The following MAN1A2 variants were observed in gnomAD, a reference collection of about 807,000 sequenced individuals.
MAN1A2 encodes the protein mannosidase alpha class 1A member 2.
A neutral mutation model predicts 75.7 loss-of-function variants in MAN1A2; 26 were observed. The ratio of observed to expected loss-of-function variants is 0.34; its 90% CI spans 0.25 to 0.48. The LOEUF is 0.48. MAN1A2 is among the 20% of genes least tolerant of loss of function. The probability of loss-of-function intolerance (pLI) is 0.99; values close to 1 mark genes in which losing one functional copy is unlikely to be tolerated. For synonymous variants in MAN1A2, 247 were observed against 264.6 expected, an observed-to-expected ratio of 0.93 and a Z score of 0.65; for missense variants, 562 against 775.5, an observed-to-expected ratio of 0.72 and a Z score of 3.27.
intron 10 of MAN1A2, 102 bp from the exon 11 acceptor site, chr1:117,499,280 C>T: frequency 3.6e-6 from 3 of 832,676 alleles, no homozygotes; most frequent in South Asian, 6.4e-5. Flanking sequence ...AAATAAACAA[C>T]AAAAATTACT....
At chr1:117,456,570 A>C (rs1649587972) in intron 6 of MAN1A2, among the ~76,000 whole-genome samples, 1 of 152,028 alleles carries the variant, frequency 6.6e-6, no homozygotes, top group Non-Finnish European at 1.5e-5. Flanking sequence ...TGGCACTTTC[A>C]ATTGACTCTT....
rs549316465 is a variant in MAN1A2 at position 117,401,862 on chromosome 1, T to C, written c.303-324T>C. Among the ~76,000 whole-genome samples, 21 of 152,304 alleles carry C rather than the reference T, an allele frequency of 1.4e-4. No homozygotes were observed. In the South Asian group the frequency reaches 3.7e-3, roughly 27 times the overall value. On this transcript the variant is annotated intron_variant, in intron 1 of 12. Coordinates refer to ENST00000356554, the MANE Select transcript of MAN1A2 (RefSeq NM_006699.5). ...ATTTTTGTCTCTTCTCTGTTACTTATTCTATTTTTGTTTTCTCTCCTCCAT... is the reference window on the plus strand; with the variant it reads ...ATTTTTGTCTCTTCTCTGTTACTTACTCTATTTTTGTTTTCTCTCCTCCAT...
chr1:117,442,059 G>A (rs1649050425), intron 5 of MAN1A2, among the ~76,000 whole-genome samples, 172 bp from the exon 6 acceptor site: 1 of 152,062 alleles, frequency 6.6e-6, no homozygotes, highest in African/African-American at 2.4e-5. Context: ...TATCCAGTTT[G>A]CAAACATGCT....
intron 8 of MAN1A2, among the ~76,000 whole-genome samples, chr1:117,490,364 G>A (rs1234929779): frequency 6.6e-6 from 1 of 151,914 alleles, no homozygotes; most frequent in Non-Finnish European, 1.5e-5. Flanking sequence ...ATGTTATAGT[G>A]ATCCGTAATC....
chr1:117,427,872 T>TTAG (rs745984865), intron 5 of MAN1A2, among the ~76,000 whole-genome samples: 28 of 152,184 alleles, frequency 1.8e-4, no homozygotes, highest in Non-Finnish European at 3.8e-4. Context: ...TTATATTGGG[T>TTAG]TATAACATAC....
At chr1:117,499,004 A>G (rs1236291083) in intron 10 of MAN1A2, among the ~76,000 whole-genome samples, 2 of 151,952 alleles carry the variant, frequency 1.3e-5, no homozygotes, top group Non-Finnish European at 2.9e-5. Flanking sequence ...CTTTAAAAAA[A>G]ACATCCACAC....
chr1:117,378,996 G>A lies in MAN1A2; in HGVS notation c.302+10511G>A, dbSNP rs572916842. On this transcript the variant is annotated intron_variant, in intron 1 of 12. Coordinates refer to ENST00000356554, the MANE Select transcript of MAN1A2 (RefSeq NM_006699.5). Reference sequence around the variant, plus strand: ...CTTATTTTTTAATTTTGATTATGATGTTTTTAGTTTTACACAAGTTTGAAA... The same window carrying A: ...CTTATTTTTTAATTTTGATTATGATATTTTTAGTTTTACACAAGTTTGAAA... 3.3e-5 allele frequency among the ~76,000 whole-genome samples: 5 copies of A among 151,990 alleles called. No homozygotes were observed. In the East Asian group the frequency reaches 9.7e-4, roughly 29 times the overall value.
At chr1:117,405,297 G>T (rs568503609) in intron 2 of MAN1A2, among the ~76,000 whole-genome samples, 13 of 152,182 alleles carry the variant, frequency 8.5e-5, no homozygotes, top group Admixed American at 3.9e-4. Flanking sequence ...CAAAAGGAAA[G>T]AATGCCAAAC....
rs550831198 is a variant in MAN1A2, at chr1:117,523,155, T to C, written c.*198T>C. Reference sequence around the variant, plus strand: ...CATTTTATACCTGACCAAAACATGTTCTGATATGTGTAGGACAGAGACCTG... The same window carrying C: ...CATTTTATACCTGACCAAAACATGTCCTGATATGTGTAGGACAGAGACCTG... On this transcript the variant is annotated 3_prime_UTR_variant, in exon 13 of 13. Coordinates refer to ENST00000356554, the MANE Select transcript of MAN1A2 (RefSeq NM_006699.5). 30 of 686,958 alleles carry C rather than the reference T, an allele frequency of 4.4e-5. No individual in the cohort carries two copies. In the South Asian group the frequency reaches 4.6e-4, roughly 11 times the overall value. 42.6% of individuals were successfully genotyped at this position (686,958 alleles called of 1,614,324 possible). A position where few individuals can be genotyped will look rare whatever the true frequency, so the allele number is the denominator to read the frequency against.
At position 117,526,269 on chromosome 1, in the gene MAN1A2, A is replaced by G. The variant is rs1652017093; in HGVS notation, c.*3312A>G. ...GCCAAGCATTGTGCCTGGCACTTTC[A>G]ATCATTAGAATGTTTTATGTGATTC... is the stretch of plus-strand genomic sequence containing the variant. On this transcript the variant is annotated 3_prime_UTR_variant, in exon 13 of 13. Coordinates refer to ENST00000356554, the MANE Select transcript of MAN1A2 (RefSeq NM_006699.5). 1 of 151,860 alleles carries G rather than the reference A, an allele frequency of 6.6e-6. No individual in the cohort carries two copies. Among genetic ancestry groups the G allele is most frequent in the Non-Finnish European group, 1.5e-5 (1 of 67,830 alleles). The allele number at this position is 151,860 out of a possible 1,614,324, so 9.4% of individuals were successfully genotyped here.
chr1:117,407,408 A>AG (rs1647652996), intron 3 of MAN1A2, among the ~76,000 whole-genome samples: 1 of 152,102 alleles, frequency 6.6e-6, no homozygotes. Context: ...TTTTAAAAAA[A>AG]CAGTAAAAGT....
intron 6 of MAN1A2, among the ~76,000 whole-genome samples, chr1:117,453,291 A>G (rs1649480548): frequency 6.6e-6 from 1 of 152,214 alleles, no homozygotes; most frequent in Non-Finnish European, 1.5e-5. Flanking sequence ...TTGTAAGGCT[A>G]TAGCTGCCAT....
chr1:117,457,366 A>G (rs2101831126), intron 6 of MAN1A2, among the ~76,000 whole-genome samples: 1 of 152,186 alleles, frequency 6.6e-6, no homozygotes, highest in African/African-American at 2.4e-5. Context: ...TGAGAAAAAA[A>G]CATAACATTT....
chr1:117,424,486 C>T (rs1316191698), intron 5 of MAN1A2, among the ~76,000 whole-genome samples: 1 of 152,204 alleles, frequency 6.6e-6, no homozygotes, highest in Non-Finnish European at 1.5e-5. Flanking sequence ...CTGGTTTGTC[C>T]TTTCTGTGCC....
chr1:117,430,244 G>T (rs1304516728), intron 5 of MAN1A2, among the ~76,000 whole-genome samples: 4 of 129,262 alleles, frequency 3.1e-5, no homozygotes, highest in African/African-American at 9.3e-5. Context: ...CGGCACGGCT[G>T]GCCAGGCGGG....
At chr1:117,446,598 G>C (rs1297644293) in intron 6 of MAN1A2, among the ~76,000 whole-genome samples, 1 of 151,984 alleles carries the variant, frequency 6.6e-6, no homozygotes. Flanking sequence ...ACGTTTCTTA[G>C]ATATCTTATT....
intron 12 of MAN1A2, among the ~76,000 whole-genome samples, chr1:117,521,525 C>G (rs952556843): frequency 6.6e-6 from 1 of 151,874 alleles, no homozygotes; most frequent in South Asian, 2.1e-4. Flanking sequence ...TCAAAAAACA[C>G]TATATGTGGG....
chr1:117,379,986 G>A (rs1201745304), intron 1 of MAN1A2, among the ~76,000 whole-genome samples: 1 of 152,044 alleles, frequency 6.6e-6, no homozygotes, highest in Non-Finnish European at 1.5e-5. Context: ...CCTGTTTTCA[G>A]TTCTCTTGGT....
chr1:117,374,056 G>C (rs1205042232), intron 1 of MAN1A2, among the ~76,000 whole-genome samples: 2 of 152,082 alleles, frequency 1.3e-5, no homozygotes, highest in East Asian at 3.8e-4. Flanking sequence ...ACTTATGTGG[G>C]AGGTGGAGGT....
Sources: allele counts gnomAD v4.1 joint callset (sites outside exome capture counted in the v4.1 genomes callset), GRCh38; gene constraint gnomAD v4.1.1; transcripts MANE v1.5; gene names NCBI Gene and HGNC (gene_info 2026-07-23, HGNC 2026-07-21).